Variants in TLN2 observed in about 807,000 individuals in gnomAD.
The protein encoded by TLN2 is talin 2, also known as talin-2.
A neutral mutation model predicts 294.7 loss-of-function variants in TLN2; 118 were observed. The ratio of observed to expected loss-of-function variants is 0.40; its 90% confidence interval spans 0.34 to 0.47. The LOEUF is 0.47. Ranked by LOEUF, TLN2 falls within the 20% of genes least tolerant of loss-of-function variation. The pLI, the probability that TLN2 is intolerant of heterozygous loss-of-function variation, is 0.84. For missense variants in TLN2, 3,083 were observed against 3,282.2 expected (o/e 0.94, Z 1.48); for synonymous variants, 1,431 against 1,304.5 (o/e 1.10, Z -2.09).
chr15:62,467,978 T>TA (rs1413778664), intron 1 of TLN2, among the ~76,000 whole-genome samples: 2 of 152,160 alleles, frequency 1.3e-5, no homozygotes, highest in Non-Finnish European at 2.9e-5. Flanking sequence ...TTCACACACT[T>TA]ATCACCAGGC....
At chr15:62,535,743 C>T (rs917093185) in intron 1 of TLN2, among the ~76,000 whole-genome samples, 1 of 152,004 alleles carries the variant, frequency 6.6e-6, no homozygotes, top group Non-Finnish European at 1.5e-5. Context: ...TTAGTAGAGA[C>T]GGGGTTTCAC....
At chr15:62,496,472 C>A (rs948910930) in intron 1 of TLN2, among the ~76,000 whole-genome samples, 3 of 152,164 alleles carry the variant, frequency 2.0e-5, no homozygotes, top group African/African-American at 7.2e-5. Flanking sequence ...TCAAGACTGT[C>A]TACCTTCCTC....
At chr15:62,816,197 C>T (rs778884484) in intron 52 of TLN2, among the ~76,000 whole-genome samples, 4 of 152,298 alleles carry the variant, frequency 2.6e-5, no homozygotes, top group East Asian at 1.9e-4. Flanking sequence ...GCCATCTCCC[C>T]GCTGCCCCGA....
At chr15:62,801,384 T>G (rs1183155066) in intron 50 of TLN2, among the ~76,000 whole-genome samples, 2 of 152,226 alleles carry the variant, frequency 1.3e-5, no homozygotes, top group Non-Finnish European at 2.9e-5. Flanking sequence ...CCACAATGGT[T>G]GTGGATTGGC....
chr15:62,586,457 T>C (rs1489153835), intron 1 of TLN2, among the ~76,000 whole-genome samples: 1 of 152,236 alleles, frequency 6.6e-6, no homozygotes, highest in Non-Finnish European at 1.5e-5. Context: ...CAAGGAATTA[T>C]GACTTTTTAG....
intron 1 of TLN2, among the ~76,000 whole-genome samples, chr15:62,575,354 T>G (rs1008118688): frequency 6.6e-6 from 1 of 152,128 alleles, no homozygotes. Context: ...ATTTTCAGGC[T>G]GATAAACTTT....
At chr15:62,592,264 A>G (rs12438162) in intron 2 of TLN2, among the ~76,000 whole-genome samples, 51,970 of 152,028 alleles carry the variant, frequency 0.34, 9,146 homozygotes, top group East Asian at 0.57. Context: ...GTTGATTGGA[A>G]TATGGTGATT....
At position 62,562,906 on chromosome 15, in the gene TLN2, TCACACACACACACACACACACACACA is replaced by T. The variant is rs61578830; in HGVS notation, c.-237-26741_-237-26716del. Among the ~76,000 whole-genome samples, 54 of 99,316 alleles carry T rather than the reference TCACACACACACACACACACACACACA, an allele frequency of 5.4e-4. 1 individual carries two copies. The highest frequency in any genetic ancestry group is 2.5e-3 in the East Asian group (7 of 2,784). 65.2% of individuals were successfully genotyped at this position (99,316 alleles called of 152,430 possible). On this transcript the variant is annotated intron_variant, in intron 1 of 58. Transcript: ENST00000636159. Reference sequence around the variant, plus strand: ...CTTTTTATGGCTGAGTAGTATTCCATCACACACACACACACACACACACACACACACACACACACACACACACACAC... The same window carrying T: ...CTTTTTATGGCTGAGTAGTATTCCATCACACACACACACACACACACACAC...
At chr15:62,496,121 G>T (rs1194946665) in intron 1 of TLN2, among the ~76,000 whole-genome samples, 3 of 152,218 alleles carry the variant, frequency 2.0e-5, no homozygotes, top group Admixed American at 6.5e-5. Context: ...TGCAGAGGCT[G>T]TGATTCCAGG....
intron 1 of TLN2, among the ~76,000 whole-genome samples, chr15:62,544,783 T>G (rs2041897275): frequency 6.6e-6 from 1 of 151,138 alleles, no homozygotes; most frequent in Admixed American, 6.6e-5. Flanking sequence ...CTTCCATTCC[T>G]AGAATGGCAG....
At position 62,707,268 on chromosome 15, in the gene TLN2, A is replaced by T. The variant is rs1595734683; in HGVS notation, c.2172+15A>T. 6.3e-7 allele frequency: 1 copy of T among 1,599,218 alleles called. No homozygotes were observed. Among genetic ancestry groups the T allele is most frequent in the South Asian group, 1.1e-5 (1 of 89,342 alleles). On this transcript the variant is annotated intron_variant, in intron 20 of 58. Coordinates refer to ENST00000636159, the MANE Select transcript of TLN2 (RefSeq NM_015059.3). Reference sequence around the variant, plus strand: ...CATGTGCCAAGGTAAGCCAGCTGGCACCCCAGCCCTTTCTACCCAGTATCA... The same window carrying T: ...CATGTGCCAAGGTAAGCCAGCTGGCTCCCCAGCCCTTTCTACCCAGTATCA...
At chr15:62,588,772 C>T (rs982766796) in intron 1 of TLN2, among the ~76,000 whole-genome samples, 3 of 140,660 alleles carry the variant, frequency 2.1e-5, no homozygotes, top group Admixed American at 7.4e-5. Flanking sequence ...AGGACTGAGA[C>T]ATGTAGCTAG....
chr15:62,556,560 C>T lies in TLN2; in HGVS notation c.-237-33127C>T, dbSNP rs372028359. Reference sequence around the variant, plus strand: ...GAGATCCTCCTGCCGCAGCCTCCTACGGTGCTGGAATTACAGGTGTGAGCC... The same window carrying T: ...GAGATCCTCCTGCCGCAGCCTCCTATGGTGCTGGAATTACAGGTGTGAGCC... On this transcript the variant is annotated intron_variant, in intron 1 of 58. Coordinates refer to ENST00000636159, the MANE Select transcript of TLN2 (RefSeq NM_015059.3). 9.2e-5 allele frequency among the ~76,000 whole-genome samples: 14 copies of T among 152,172 alleles called. No homozygotes were observed. In the South Asian group the frequency reaches 2.1e-3, roughly 23 times the overall value.
At chr15:62,512,524 A>G (rs1170805582) in intron 1 of TLN2, among the ~76,000 whole-genome samples, 1 of 152,166 alleles carries the variant, frequency 6.6e-6, no homozygotes, top group East Asian at 1.9e-4. Context: ...TTGCCCTTTA[A>G]GATACTTATA....
At chr15:62,715,940 G>A (rs1008045547) in intron 22 of TLN2, among the ~76,000 whole-genome samples, 13 of 152,122 alleles carry the variant, frequency 8.5e-5, no homozygotes, top group African/African-American at 2.9e-4. Context: ...GGTATTTCAG[G>A]AGTGACATGA....
intron 2 of TLN2, among the ~76,000 whole-genome samples, chr15:62,598,224 C>A (rs1281482523): frequency 1.3e-5 from 2 of 152,178 alleles, no homozygotes; most frequent in South Asian, 4.1e-4. Flanking sequence ...ACTTCTGAGA[C>A]CTTTCCTGTA....
intron 12 of TLN2, among the ~76,000 whole-genome samples, chr15:62,688,306 G>A (rs1458954857): frequency 6.6e-6 from 1 of 152,018 alleles, no homozygotes; most frequent in African/African-American, 2.4e-5. Flanking sequence ...AGTGTTTAGA[G>A]GTTTTTCTGC....
Position 62,737,056 on chromosome 15 carries a change from A to G in TLN2, c.3537A>G (p.Gly1179=), listed in dbSNP as rs954123418. The change falls in exon 29 of 59, where the codon GGA becomes GGG. Residue 1179 remains glycine (G), a synonymous_variant. Coordinates refer to ENST00000636159, the MANE Select transcript of TLN2 (RefSeq NM_015059.3). ...CCAAGCAGGCCCTGATTGCACCTGG[A>G]GATGCAGAGCGTCAACAAAGACTGG... ...QEAKQALIAP[G]DAERQQRLAQ... 3.1e-6 allele frequency: 5 copies of G among 1,614,094 alleles called. No homozygotes were observed. The African/African-American group carries it at 5.3e-5, about 17-fold the overall frequency.
chr15:62,598,704 T>C (rs2046750304), intron 2 of TLN2, among the ~76,000 whole-genome samples: 1 of 151,834 alleles, frequency 6.6e-6, no homozygotes, highest in Non-Finnish European at 1.5e-5. Context: ...AGAAAGATAA[T>C]CAACTTTTCT....
Sources: allele counts gnomAD v4.1 joint callset (sites outside exome capture counted in the v4.1 genomes callset), GRCh38; gene constraint gnomAD v4.1.1; transcripts MANE v1.5; gene names NCBI Gene and HGNC (gene_info 2026-07-23, HGNC 2026-07-21).